PRKACB: variants seen among roughly 807,000 people sequenced by gnomAD.
The protein encoded by PRKACB is cAMP-dependent protein kinase catalytic subunit beta.
In PRKACB, 16 loss-of-function variants were observed where a neutral mutation model predicts 51.4. That is an observed-to-expected ratio of 0.31 (90% CI 0.21 to 0.47). The LOEUF (loss-of-function observed/expected upper bound fraction) is 0.47, where lower values mean the gene tolerates loss of function less well. Among genes scored for constraint, PRKACB ranks in the 20% least tolerant of loss-of-function variants. The pLI is 1.00. For synonymous variants in PRKACB, 147 were observed against 154.4 expected (o/e 0.95, Z 0.35); for missense variants, 309 against 464.5 (o/e 0.67, Z 3.08).
At chr1:84,136,389 T>C (rs181346445) in intron 1 of PRKACB, among the ~76,000 whole-genome samples, 83 of 152,116 alleles carry the variant, frequency 5.5e-4, no homozygotes, top group East Asian at 1.2e-3. Flanking sequence ...ATTAAAGATA[T>C]AGATGTCAAA....
chr1:84,234,157 G>C (rs1449225003), intron 9 of PRKACB, among the ~76,000 whole-genome samples: 1 of 152,144 alleles, frequency 6.6e-6, no homozygotes, highest in African/African-American at 2.4e-5. Context: ...CTGCAGGTCT[G>C]TTGGAGTACC....
intron 1 of PRKACB, among the ~76,000 whole-genome samples, chr1:84,176,453 T>C (rs943897190): frequency 3.9e-5 from 6 of 151,916 alleles, no homozygotes; most frequent in Non-Finnish European, 8.8e-5. Context: ...CATAATCCAA[T>C]ATATTGTGAA....
intron 1 of PRKACB, among the ~76,000 whole-genome samples, chr1:84,134,397 C>T (rs1652580521): frequency 6.6e-6 from 1 of 151,994 alleles, no homozygotes; most frequent in South Asian, 2.1e-4. Context: ...CTGTTCCTAC[C>T]AATAATACCA....
At chr1:84,141,719 A>T (rs1013263229), upstream of PRKACB, among the ~76,000 whole-genome samples, 2 of 152,156 alleles carry the variant, frequency 1.3e-5, no homozygotes, top group African/African-American at 4.8e-5. Context: ...GAATATAAAT[A>T]AAAAATCTGG....
chr1:84,086,143 G>T, intron 1 of PRKACB: 1 of 1,595,982 alleles, frequency 6.3e-7, no homozygotes, highest in South Asian at 1.1e-5. Flanking sequence ...CCACTGTGCT[G>T]GCCATGAAGA....
intron 1 of PRKACB, among the ~76,000 whole-genome samples, chr1:84,093,011 C>G (rs1354967974): frequency 4.0e-5 from 6 of 151,788 alleles, no homozygotes; most frequent in African/African-American, 1.5e-4. Flanking sequence ...GTATGTACTA[C>G]AAATGTCTTC....
intron 9 of PRKACB, 133 bp from the exon 10 acceptor site, chr1:84,235,047 A>T (rs1294983550): frequency 1.1e-6 from 1 of 920,488 alleles, no homozygotes; most frequent in Non-Finnish European, 1.6e-6. Context: ...TAGCACTATT[A>T]TATTTTAGGA....
chr1:84,185,138 TG>T lies in PRKACB; in HGVS notation c.521del (p.Gly174ValfsTer7). ...NLYMVMEYVP[G>X]GEMFSHLRRI... ...TATACATGGTTATGGAATATGTCCC[TG>T]GGGGTGAAATGTTTTCACATCTAAG... On this transcript the variant is annotated frameshift_variant, in exon 5 of 10. Transcript: ENST00000370685. LOFTEE classifies it high-confidence loss of function. The T allele has an allele frequency of 2.0e-6, 3 of 1,508,454 alleles. No individual in the cohort carries two copies. Among genetic ancestry groups the T allele is most frequent in the Non-Finnish European group, 2.6e-6 (3 of 1,132,424 alleles). 93.4% of individuals were successfully genotyped at this position (1,508,454 alleles called of 1,614,324 possible). A position where few individuals can be genotyped will look rare whatever the true frequency, so the allele number is the denominator to read the frequency against.
chr1:84,138,024 C>T (rs1355809104), intron 1 of PRKACB, among the ~76,000 whole-genome samples: 1 of 152,060 alleles, frequency 6.6e-6, no homozygotes, highest in Non-Finnish European at 1.5e-5. Flanking sequence ...AAAAGAGGGC[C>T]TAGAAGCAAC....
In PRKACB at chr1:84,198,991, GTA is replaced by G. The variant is rs536796411; in HGVS notation, c.783+1171_783+1172del. Among the ~76,000 whole-genome samples the G allele has an allele frequency of 3.1e-3, 448 of 144,110 alleles. 1 individual carries two copies. Among genetic ancestry groups the G allele is most frequent in the Non-Finnish European group, 5.3e-3 (350 of 66,576 alleles). 94.5% of individuals were successfully genotyped at this position (144,110 alleles called of 152,430 possible). ...TGTGTATACGCATATATGTATATAT[GTA>G]TATGTGTATATATACATATATGCGT... On this transcript the variant is annotated intron_variant, in intron 7 of 9. Coordinates refer to ENST00000370685, the MANE Select transcript of PRKACB (RefSeq NM_182948.4).
At chr1:84,160,835 G>C (rs1270548132) in intron 1 of PRKACB, among the ~76,000 whole-genome samples, 1 of 151,464 alleles carries the variant, frequency 6.6e-6, no homozygotes, top group African/African-American at 2.4e-5. Flanking sequence ...TGTGATTATA[G>C]AATATATTTT....
At chr1:84,120,825 G>C (rs1056045347) in intron 1 of PRKACB, among the ~76,000 whole-genome samples, 11 of 151,894 alleles carry the variant, frequency 7.2e-5, no homozygotes, top group African/African-American at 2.7e-4. Context: ...CAGTGAAATA[G>C]GGTGGTGATA....
rs532363608 is a variant in PRKACB, at chr1:84,192,517, A to G, written c.561-4099A>G. ...TTTCAAGTGTTTTTAATTAAATAAT[A>G]TGCCAAAATAGCTGAGGATTTTTGG... On this transcript the variant is annotated intron_variant, in intron 5 of 9. Coordinates refer to ENST00000370685, the MANE Select transcript of PRKACB (RefSeq NM_182948.4). Among the ~76,000 whole-genome samples the G allele has an allele frequency of 7.9e-5, 12 of 152,192 alleles. No homozygotes were observed. The East Asian group carries it at 2.3e-3, about 29-fold the overall frequency.
intron 1 of PRKACB, among the ~76,000 whole-genome samples, chr1:84,085,470 T>C (rs768786510): frequency 6.6e-6 from 1 of 152,190 alleles, no homozygotes; most frequent in African/African-American, 2.4e-5. Context: ...TGATCTCTTC[T>C]TCCAGCTTTA....
In PRKACB at chr1:84,229,513, T is replaced by C. The variant is rs201988150; in HGVS notation, c.1072-5667T>C. On this transcript the variant is annotated intron_variant, in intron 9 of 9. Coordinates refer to ENST00000370685, the MANE Select transcript of PRKACB (RefSeq NM_182948.4). Reference sequence around the variant, plus strand: ...ATCCCTGAGGAATCGCCACACTGACTTCCACAATGGTTGAACTAGTTTACA... The same window carrying C: ...ATCCCTGAGGAATCGCCACACTGACCTCCACAATGGTTGAACTAGTTTACA... 4.1e-4 allele frequency among the ~76,000 whole-genome samples: 59 copies of C among 143,706 alleles called. No homozygotes were observed. The East Asian group carries it at 0.011, about 28-fold the overall frequency. The allele number at this position is 143,706 out of a possible 152,430, so 94.3% of individuals were successfully genotyped here. A position where few individuals can be genotyped will look rare whatever the true frequency, so the allele number is the denominator to read the frequency against.
chr1:84,220,199 T>A (rs1673491234), intron 9 of PRKACB, among the ~76,000 whole-genome samples: 1 of 152,206 alleles, frequency 6.6e-6, no homozygotes, highest in South Asian at 2.1e-4. Context: ...CTAGGTATTT[T>A]ATTTATTTTT....
rs570591896 is a variant in PRKACB, at chr1:84,110,597, G to A, written c.46+32226G>A. Among the ~76,000 whole-genome samples the A allele has an allele frequency of 5.9e-5, 9 of 151,834 alleles. No homozygotes were observed. The East Asian group carries it at 1.4e-3, about 23-fold the overall frequency. ...AGGCTGATATCTATTCCTTCCTGCC[G>A]TGGCAAAAGTCATCAATAATTTGTT... On this transcript the variant is annotated intron_variant, in intron 1 of 8. Transcript: ENST00000370688.
intron 5 of PRKACB, among the ~76,000 whole-genome samples, chr1:84,188,708 CTAAT>C (rs1232020604): frequency 2.0e-5 from 3 of 151,620 alleles, no homozygotes; most frequent in Non-Finnish European, 4.4e-5. Flanking sequence ...AAAAATAAAT[CTAAT>C]TATTTAATAC....
At chr1:84,192,169 A>C (rs1283273522) in intron 5 of PRKACB, among the ~76,000 whole-genome samples, 1 of 152,110 alleles carries the variant, frequency 6.6e-6, no homozygotes, top group Non-Finnish European at 1.5e-5. Context: ...ATGAGGCTAA[A>C]CTTTAAGCTT....
Sources: allele counts gnomAD v4.1 joint callset (sites outside exome capture counted in the v4.1 genomes callset), GRCh38; gene constraint gnomAD v4.1.1; transcripts MANE v1.5; gene names NCBI Gene and HGNC (gene_info 2026-07-23, HGNC 2026-07-21).